Variants in PLBD1 observed in about 807,000 individuals in gnomAD.
The protein encoded by PLBD1 is phospholipase B domain containing 1.
Under a neutral mutation model 63.0 loss-of-function variants are expected in PLBD1, and 60 were observed. The ratio of observed to expected loss-of-function variants is 0.95; its 90% confidence interval spans 0.77 to 1.18. The LOEUF is 1.18. Ranked by LOEUF, PLBD1 falls within the 50% of genes most tolerant of loss-of-function variation. The pLI is 0.00. For synonymous variants in PLBD1, 262 were observed against 248.0 expected, an observed-to-expected ratio of 1.06 and a Z score of -0.53; for missense variants, 598 against 677.9, an observed-to-expected ratio of 0.88 and a Z score of 1.31.
intron 4 of PLBD1, among the ~76,000 whole-genome samples, chr12:14,539,439 T>TA (rs1376895359): frequency 4.0e-5 from 6 of 151,850 alleles, no homozygotes; most frequent in Admixed American, 3.9e-4. Flanking sequence ...TCTATATATA[T>TA]TTTTAAGATA....
intron 6 of PLBD1, among the ~76,000 whole-genome samples, chr12:14,517,424 A>G (rs1320929225): frequency 6.6e-6 from 1 of 152,170 alleles, no homozygotes; most frequent in Admixed American, 6.5e-5. Flanking sequence ...CTGGGATTAC[A>G]GGTGTGAGCC....
rs910970624 is a variant in PLBD1, at chr12:14,518,980, T to C, written c.845-7269A>G. 2.6e-5 allele frequency among the ~76,000 whole-genome samples: 4 copies of C among 152,148 alleles called. No homozygotes were observed. The South Asian group carries it at 8.3e-4, about 32-fold the overall frequency. ...GTATCAAGGGTGAGTATTCCAATAATAGCAGCATGATAAAATTGAGTGATT... is the reference window on the plus strand; with the variant it reads ...GTATCAAGGGTGAGTATTCCAATAACAGCAGCATGATAAAATTGAGTGATT... On this transcript the variant is annotated intron_variant, in intron 6 of 10. Coordinates refer to ENST00000240617, the MANE Select transcript of PLBD1 (RefSeq NM_024829.6).
intron 2 of PLBD1, among the ~76,000 whole-genome samples, chr12:14,549,919 C>T (rs546357604): frequency 2.1e-4 from 32 of 152,272 alleles, no homozygotes; most frequent in East Asian, 1.5e-3. Flanking sequence ...CCTCCCACCT[C>T]GGCCTCCCAA....
intron 2 of PLBD1, 113 bp downstream of exon 2, chr12:14,553,080 C>T (rs1945672606): frequency 2.1e-6 from 2 of 960,620 alleles, no homozygotes; most frequent in African/African-American, 3.3e-5. Flanking sequence ...CACATGTGAA[C>T]TCCAGCTACT....
Position 14,567,626 on chromosome 12 carries a change from AG to A in PLBD1, c.70del (p.Leu24CysfsTer6). On this transcript the variant is annotated frameshift_variant, in exon 1 of 11. Transcript: ENST00000240617. LOFTEE classifies it high-confidence loss of function. ...CGCGGTGACTAACAACAGCGGCAGC[AG>A]CAGCAGCAGCAGCAGAAGCGGTGGC... ...QPPPLLLLLL[L>X]LPLLLVTAEP... 1.7e-6 allele frequency: 2 copies of A among 1,197,164 alleles called. No individual in the cohort carries two copies. The highest frequency in any genetic ancestry group is 2.2e-6 in the Non-Finnish European group (2 of 896,494). 74.2% of individuals were successfully genotyped at this position (1,197,164 alleles called of 1,614,324 possible).
intron 6 of PLBD1, among the ~76,000 whole-genome samples, chr12:14,514,713 T>C (rs568841513): frequency 8.2e-4 from 125 of 152,228 alleles, no homozygotes; most frequent in Middle Eastern, 3.4e-3. Flanking sequence ...ACACATTTCT[T>C]TGACTACATA....
intron 2 of PLBD1, among the ~76,000 whole-genome samples, chr12:14,546,982 G>A (rs1945621255): frequency 6.6e-6 from 1 of 151,998 alleles, no homozygotes; most frequent in African/African-American, 2.4e-5. Context: ...CGAGGTTCAA[G>A]CAATTCTACC....
In PLBD1 at chr12:14,507,008, G is replaced by C. The variant is rs751310609; in HGVS notation, c.1297C>G (p.Arg433Gly). 1 of 1,613,982 alleles carries C rather than the reference G, an allele frequency of 6.2e-7. No individual in the cohort carries two copies. The highest frequency in any genetic ancestry group is 2.2e-5 in the East Asian group (1 of 44,858). ...TGGTCACGCCGGAAAATTTTGGCTC[G>C]TGGAGCTAAATCATAAGAGTAGTCC... ...GLDYSYDLAP[R>G]AKIFRRDQGK... Residue 433 changes from arginine (R) to glycine (G), a missense_variant, in exon 9 of 11, where the codon CGA becomes GGA. By Grantham distance (125) the Arg-to-Gly change is moderately radical. Transcript: ENST00000240617.
chr12:14,554,455 A>G (rs1397540079), intron 1 of PLBD1, among the ~76,000 whole-genome samples: 2 of 152,180 alleles, frequency 1.3e-5, no homozygotes, highest in African/African-American at 4.8e-5. Context: ...AGCTATTGCT[A>G]GAATCTCTCA....
chr12:14,542,017 A>C (rs1325357218), intron 3 of PLBD1, among the ~76,000 whole-genome samples, 191 bp downstream of exon 3: 4 of 152,190 alleles, frequency 2.6e-5, no homozygotes, highest in African/African-American at 9.7e-5. Flanking sequence ...AAAGAGCTGA[A>C]ATTAGAGAGC....
At chr12:14,567,333 A>G (rs1945798104) in intron 1 of PLBD1, among the ~76,000 whole-genome samples, 1 of 152,200 alleles carries the variant, frequency 6.6e-6, no homozygotes, top group South Asian at 2.1e-4. Flanking sequence ...GAGCGAACCG[A>G]TTTGTTGGCC....
chr12:14,542,871 C>T (rs183469437), intron 2 of PLBD1, among the ~76,000 whole-genome samples: 174 of 152,028 alleles, frequency 1.1e-3, no homozygotes, highest in Non-Finnish European at 2.0e-3. Flanking sequence ...CACGGTGAAA[C>T]CCCGTCTGTA....
At chr12:14,537,956 T>C (rs1945532896) in intron 4 of PLBD1, among the ~76,000 whole-genome samples, 3 of 152,154 alleles carry the variant, frequency 2.0e-5, no homozygotes, top group Admixed American at 1.3e-4. Context: ...TTTTTTTGCA[T>C]ATACTGCCAG....
At chr12:14,544,542 A>C (rs1394626613) in intron 2 of PLBD1, among the ~76,000 whole-genome samples, 1 of 152,144 alleles carries the variant, frequency 6.6e-6, no homozygotes, top group Admixed American at 6.6e-5. Context: ...AGTTGCCTCT[A>C]GTCTCTTTTT....
chr12:14,536,793 A>G, intron 4 of PLBD1, 83 bp from the exon 5 acceptor site: 8 of 1,542,226 alleles, frequency 5.2e-6, no homozygotes, highest in Non-Finnish European at 6.2e-6. Context: ...GACCCATTAA[A>G]TTATTCCCTT....
At chr12:14,535,915 C>T in intron 5 of PLBD1, 112 bp from the exon 6 acceptor site, 2 of 1,109,424 alleles carry the variant, frequency 1.8e-6, no homozygotes, top group Non-Finnish European at 1.3e-6. Flanking sequence ...GTGTTTATTG[C>T]TATACTGATT....
At chr12:14,556,928 G>C (rs1945710262) in intron 1 of PLBD1, among the ~76,000 whole-genome samples, 1 of 143,016 alleles carries the variant, frequency 7.0e-6, no homozygotes, top group Non-Finnish European at 1.5e-5. Context: ...AGGTTGCAGT[G>C]AGCCGAGATC....
intron 2 of PLBD1, among the ~76,000 whole-genome samples, chr12:14,549,530 C>A (rs1945640490): frequency 1.3e-5 from 2 of 152,136 alleles, no homozygotes; most frequent in Non-Finnish European, 2.9e-5. Context: ...TTTAAGAAAC[C>A]TCGGGCACTC....
At chr12:14,518,788 T>C (rs1345217886) in intron 6 of PLBD1, among the ~76,000 whole-genome samples, 1 of 152,200 alleles carries the variant, frequency 6.6e-6, no homozygotes, top group Admixed American at 6.5e-5. Context: ...ATACAGAATA[T>C]GGGCTTTGAA....
Sources: allele counts gnomAD v4.1 joint callset (sites outside exome capture counted in the v4.1 genomes callset), GRCh38; gene constraint gnomAD v4.1.1; transcripts MANE v1.5; gene names NCBI Gene and HGNC (gene_info 2026-07-23, HGNC 2026-07-21).